The following RBFOX1 variants were observed in gnomAD, a reference collection of about 807,000 sequenced individuals.
RBFOX1 encodes the protein RNA binding protein fox-1 homolog 1.
A neutral mutation model predicts 57.7 loss-of-function variants in RBFOX1; 8 were observed. The ratio of observed to expected loss-of-function variants is 0.14; its 90% CI spans 0.08 to 0.25. The LOEUF is 0.25. RBFOX1 is among the 10% of genes least tolerant of loss of function. The probability of loss-of-function intolerance (pLI) is 1.00; values close to 1 mark genes in which losing one functional copy is unlikely to be tolerated. For missense variants in RBFOX1, 611 were observed against 548.5 expected, an observed-to-expected ratio of 1.11 and a Z score of -1.14; for synonymous variants, 326 against 222.4, an observed-to-expected ratio of 1.47 and a Z score of -4.15.
chr16:7,513,294 TG>T (rs1239883623), intron 4 of RBFOX1, among the ~76,000 whole-genome samples: 1 of 117,728 alleles, frequency 8.5e-6, no homozygotes, highest in Non-Finnish European at 1.9e-5. Context: ...AATGAATGAA[TG>T]AATGAATGAA....
At chr16:7,029,101 C>A (rs1179633480) in intron 3 of RBFOX1, among the ~76,000 whole-genome samples, 1 of 87,020 alleles carries the variant, frequency 1.1e-5, no homozygotes, top group Non-Finnish European at 2.2e-5. Context: ...CACACACACA[C>A]ACACACACAC....
intron 1 of RBFOX1, among the ~76,000 whole-genome samples, chr16:6,306,532 C>T (rs1431356969): frequency 1.3e-5 from 2 of 152,152 alleles, no homozygotes; most frequent in Admixed American, 6.5e-5. Context: ...CTTAATAGCA[C>T]GTGTGTGCCA....
chr16:5,847,508 T>G (rs2056788516), intron 3 of RBFOX1, among the ~76,000 whole-genome samples: 1 of 152,150 alleles, frequency 6.6e-6, no homozygotes, highest in South Asian at 2.1e-4. Context: ...GAGGTGGACA[T>G]TAGTTTTCAG....
intron 4 of RBFOX1, among the ~76,000 whole-genome samples, chr16:7,414,146 C>G (rs1006861250): frequency 2.0e-5 from 3 of 152,190 alleles, no homozygotes; most frequent in African/African-American, 7.2e-5. Context: ...TCCATTCATT[C>G]GTTCTTCACT....
chr16:7,519,121 C>T (rs1006238005), intron 5 of RBFOX1, among the ~76,000 whole-genome samples: 1 of 152,276 alleles, frequency 6.6e-6, no homozygotes, highest in Admixed American at 6.5e-5. Flanking sequence ...AGCATATTTA[C>T]GGAGTTGTGC....
intron 14 of RBFOX1, among the ~76,000 whole-genome samples, 199 bp downstream of exon 14, chr16:7,677,037 C>G (rs899049169): frequency 1.3e-5 from 2 of 152,046 alleles, no homozygotes; most frequent in East Asian, 1.9e-4. Context: ...AAACTACTCT[C>G]TCTGCTGAGA....
intron 4 of RBFOX1, among the ~76,000 whole-genome samples, chr16:7,233,676 A>T (rs569311387): frequency 8.4e-4 from 128 of 152,316 alleles, no homozygotes; most frequent in African/African-American, 2.9e-3. Context: ...ATGCGACCTT[A>T]GCAAAAGATG....
intron 3 of RBFOX1, among the ~76,000 whole-genome samples, chr16:6,900,139 C>CTGGTGG (rs141852850): frequency 1.3e-5 from 2 of 152,058 alleles, no homozygotes; most frequent in African/African-American, 2.4e-5. Context: ...TTAGTTATTG[C>CTGGTGG]TGGTGGTGGT....
chr16:6,843,962 G>C (rs538779564), intron 3 of RBFOX1, among the ~76,000 whole-genome samples: 2 of 152,190 alleles, frequency 1.3e-5, no homozygotes, highest in East Asian at 3.9e-4. Flanking sequence ...GGCTTGCTTG[G>C]ATCGTAATGT....
At chr16:7,678,204 C>G (rs901558337) in intron 14 of RBFOX1, among the ~76,000 whole-genome samples, 1 of 152,116 alleles carries the variant, frequency 6.6e-6, no homozygotes, top group Non-Finnish European at 1.5e-5. Context: ...ATTGTCAAGA[C>G]AAGGTTCTCA....
At position 6,982,100 on chromosome 16, in the gene RBFOX1, C is replaced by T. The variant is rs114223247; in HGVS notation, c.-15-69957C>T. On this transcript the variant is annotated intron_variant, in intron 3 of 15. Transcript: ENST00000550418. ...GTTGGTTTATATAACAAGAATGTGGCCCCCGCACCAATGACTAAACCAAAT... is the reference window on the plus strand; with the variant it reads ...GTTGGTTTATATAACAAGAATGTGGTCCCCGCACCAATGACTAAACCAAAT... 8.2e-3 allele frequency among the ~76,000 whole-genome samples: 1,247 copies of T among 152,142 alleles called. 17 individuals are homozygous for T. The highest frequency in any genetic ancestry group is 0.028 in the African/African-American group (1,160 of 41,516).
intron 3 of RBFOX1, among the ~76,000 whole-genome samples, chr16:5,829,416 G>C (rs12051489): frequency 0.049 from 7,499 of 152,276 alleles, 432 homozygotes; most frequent in African/African-American, 0.14. Context: ...AGAGGAGGTT[G>C]TTGAAATCAT....
intron 2 of RBFOX1, among the ~76,000 whole-genome samples, chr16:6,457,790 C>A (rs935349470): frequency 5.3e-5 from 8 of 152,032 alleles, no homozygotes; most frequent in Non-Finnish European, 7.4e-5. Flanking sequence ...AGTAATTAGT[C>A]CGTTGTTGTG....
chr16:6,721,372 G>A (rs560121233), intron 3 of RBFOX1, among the ~76,000 whole-genome samples: 1 of 152,298 alleles, frequency 6.6e-6, no homozygotes, highest in African/African-American at 2.4e-5. Context: ...GAACCCGGGA[G>A]GCGGAGGTTA....
At chr16:6,974,808 C>G (rs920895752) in intron 3 of RBFOX1, among the ~76,000 whole-genome samples, 4 of 152,250 alleles carry the variant, frequency 2.6e-5, no homozygotes, top group Non-Finnish European at 4.4e-5. Context: ...GTTTGCCAGT[C>G]ACTCCCTTGG....
chr16:6,615,150 A>G (rs1462501416), intron 2 of RBFOX1, among the ~76,000 whole-genome samples: 5 of 152,116 alleles, frequency 3.3e-5, no homozygotes, highest in African/African-American at 1.2e-4. Flanking sequence ...CAAAACAGTT[A>G]TTTTGTGGGT....
chr16:6,443,299 T>C (rs1019925042), intron 2 of RBFOX1, among the ~76,000 whole-genome samples: 3 of 152,176 alleles, frequency 2.0e-5, no homozygotes, highest in Non-Finnish European at 4.4e-5. Flanking sequence ...CTCACGTTCA[T>C]TCTCTTTTCC....
At chr16:7,329,292 C>G (rs887529228) in intron 4 of RBFOX1, among the ~76,000 whole-genome samples, 17 of 152,212 alleles carry the variant, frequency 1.1e-4, no homozygotes, top group African/African-American at 4.1e-4. Flanking sequence ...AGAACTGCCC[C>G]ACTCTCCTTT....
intron 1 of RBFOX1, among the ~76,000 whole-genome samples, chr16:6,075,535 G>C (rs1268957185): frequency 6.6e-6 from 1 of 152,180 alleles, no homozygotes; most frequent in Non-Finnish European, 1.5e-5. Context: ...TGTTGTTTCT[G>C]AGATGTGAAA....
Sources: allele counts gnomAD v4.1 joint callset (sites outside exome capture counted in the v4.1 genomes callset), GRCh38; gene constraint gnomAD v4.1.1; transcripts MANE v1.5; gene names NCBI Gene and HGNC (gene_info 2026-07-23, HGNC 2026-07-21).